The following CCDC85A variants were observed in gnomAD, a reference collection of about 807,000 sequenced individuals.
CCDC85A encodes the protein coiled-coil domain containing 85A, also known as coiled-coil domain-containing protein 85A.
A neutral mutation model predicts 50.2 loss-of-function variants in CCDC85A; 38 were observed. The observed-to-expected ratio is 0.76, with a 90% CI of 0.58 to 0.99. The LOEUF (loss-of-function observed/expected upper bound fraction) is 0.99, where lower values mean the gene tolerates loss of function less well. CCDC85A is among the 50% of genes least tolerant of loss of function. CCDC85A has a pLI of 0.00. For missense variants in CCDC85A, 820 were observed against 742.0 expected, an observed-to-expected ratio of 1.11 and a Z score of -1.22; for synonymous variants, 366 against 301.4, an observed-to-expected ratio of 1.21 and a Z score of -2.22.
intron 5 of CCDC85A, among the ~76,000 whole-genome samples, chr2:56,377,831 T>G (rs1249395068): frequency 6.7e-6 from 1 of 149,562 alleles, no homozygotes. Context: ...GAGGTTGCAG[T>G]GAGCCGAGAT....
chr2:56,237,251 G>A (rs7568979), intron 2 of CCDC85A, among the ~76,000 whole-genome samples: 57,761 of 151,830 alleles, frequency 0.38, 12,126 homozygotes, highest in Middle Eastern at 0.55. Context: ...GATTACTGGC[G>A]TGTCTTAGAG....
intron 2 of CCDC85A, among the ~76,000 whole-genome samples, chr2:56,239,210 A>G (rs1669151113): frequency 6.6e-6 from 1 of 152,090 alleles, no homozygotes; most frequent in African/African-American, 2.4e-5. Flanking sequence ...GAGTTTGCAC[A>G]GTCAGCTTGT....
chr2:56,185,854 C>G (rs892261509), intron 1 of CCDC85A: 1 of 152,352 alleles, frequency 6.6e-6, no homozygotes, highest in African/African-American at 2.4e-5. Context: ...CCTGGTATTC[C>G]TTCCTCTCAT....
chr2:56,336,320 A>C (rs1421943000), intron 2 of CCDC85A, among the ~76,000 whole-genome samples: 1 of 151,848 alleles, frequency 6.6e-6, no homozygotes, highest in Non-Finnish European at 1.5e-5. Flanking sequence ...CACCTGGCTA[A>C]TTTTTGTATT....
chr2:56,251,234 T>C lies in CCDC85A; in HGVS notation c.1240+57794T>C, dbSNP rs116730639. 5.5e-3 allele frequency among the ~76,000 whole-genome samples: 845 copies of C among 152,354 alleles called. 7 individuals are homozygous for C. Among genetic ancestry groups the C allele is most frequent in the African/African-American group, 0.019 (790 of 41,590 alleles). On this transcript the variant is annotated intron_variant, in intron 2 of 5. Transcript: ENST00000407595. ...CTGTGTTGAGGGCTCTGTTTTCTCC[T>C]GTAGGCAGCAAATCCTTTGTGAGCC...
At chr2:56,313,787 G>A (rs1008887517) in intron 2 of CCDC85A, among the ~76,000 whole-genome samples, 1 of 152,034 alleles carries the variant, frequency 6.6e-6, no homozygotes, top group Non-Finnish European at 1.5e-5. Flanking sequence ...TCAGTGGGCA[G>A]CAGAAGGAAC....
At chr2:56,266,119 T>C (rs1399263018) in intron 2 of CCDC85A, among the ~76,000 whole-genome samples, 1 of 152,096 alleles carries the variant, frequency 6.6e-6, no homozygotes, top group Non-Finnish European at 1.5e-5. Context: ...AGAATGGTGG[T>C]TACCAAAGGC....
intron 2 of CCDC85A, among the ~76,000 whole-genome samples, chr2:56,326,220 T>G (rs956680872): frequency 1.2e-4 from 18 of 152,254 alleles, no homozygotes; most frequent in African/African-American, 3.8e-4. Flanking sequence ...GAGGAATTAC[T>G]TAACATCTCT....
chr2:56,265,509 G>T (rs1376206813), intron 2 of CCDC85A, among the ~76,000 whole-genome samples: 1 of 151,924 alleles, frequency 6.6e-6, no homozygotes, highest in Non-Finnish European at 1.5e-5. Context: ...TTTCTCAAAA[G>T]AAGATATACA....
chr2:56,192,085 C>T lies in CCDC85A; in HGVS notation c.277-392C>T, dbSNP rs1183733827. ...AGTGAAGCTTTGTGAGGTCCGATTT[C>T]CTCTTCTGTATAAGAGCCATAATAA... On this transcript the variant is annotated intron_variant, in intron 1 of 5. Transcript: ENST00000407595. The surrounding 1 kb of genome is among the most constrained non-coding windows in gnomAD (Gnocchi z 4.7). 6.6e-6 allele frequency among the ~76,000 whole-genome samples: 1 copy of T among 152,100 alleles called. No homozygotes were observed. Among genetic ancestry groups the T allele is most frequent in the African/African-American group, 2.4e-5 (1 of 41,400 alleles).
chr2:56,349,645 T>C (rs1674804638), intron 3 of CCDC85A, among the ~76,000 whole-genome samples: 1 of 152,232 alleles, frequency 6.6e-6, no homozygotes, highest in South Asian at 2.1e-4. Flanking sequence ...TTCGTTCTAA[T>C]GAGAGAATAT....
chr2:56,196,414 A>G (rs1320621477), intron 2 of CCDC85A, among the ~76,000 whole-genome samples: 1 of 152,240 alleles, frequency 6.6e-6, no homozygotes, highest in Non-Finnish European at 1.5e-5. Flanking sequence ...TAAATTAAGT[A>G]ATTGAATAAC....
chr2:56,309,298 G>A (rs993478023), intron 2 of CCDC85A, among the ~76,000 whole-genome samples: 12 of 152,246 alleles, frequency 7.9e-5, no homozygotes, highest in African/African-American at 1.2e-4. Context: ...AATCTAATAA[G>A]CAGCTACACA....
intron 2 of CCDC85A, among the ~76,000 whole-genome samples, chr2:56,318,040 C>G (rs1308969376): frequency 1.3e-5 from 2 of 152,060 alleles, no homozygotes; most frequent in Non-Finnish European, 2.9e-5. Context: ...GATGTTAAAG[C>G]CAATATAATT....
chr2:56,271,212 G>A (rs1295810619), intron 2 of CCDC85A, among the ~76,000 whole-genome samples: 1 of 152,156 alleles, frequency 6.6e-6, no homozygotes. Flanking sequence ...GTTATGTAGG[G>A]CTATAGAGTT....
chr2:56,216,590 A>G (rs1677403718), intron 2 of CCDC85A, among the ~76,000 whole-genome samples: 1 of 151,664 alleles, frequency 6.6e-6, no homozygotes, highest in Non-Finnish European at 1.5e-5. Flanking sequence ...TCCCATATTG[A>G]TGACTGTATC....
intron 4 of CCDC85A, among the ~76,000 whole-genome samples, chr2:56,373,479 G>C (rs1676183421): frequency 6.6e-6 from 1 of 152,100 alleles, no homozygotes. Flanking sequence ...GTTTAAGGAT[G>C]TTGTTTACAT....
chr2:56,355,051 T>C (rs1461461112), intron 3 of CCDC85A, among the ~76,000 whole-genome samples: 1 of 152,162 alleles, frequency 6.6e-6, no homozygotes, highest in African/African-American at 2.4e-5. Context: ...TATACAAGCC[T>C]TCACCTACTG....
intron 2 of CCDC85A, among the ~76,000 whole-genome samples, chr2:56,283,989 C>T (rs1250833242): frequency 2.0e-5 from 3 of 151,996 alleles, no homozygotes; most frequent in Admixed American, 6.5e-5. Context: ...AACCTTTTAT[C>T]TTTTCTAAGT....
Sources: gnomAD v4.1 joint callset for allele counts (sites outside exome capture counted in the v4.1 genomes callset) on GRCh38, gnomAD v4.1.1 for gene constraint, Gnocchi (gnomAD v3.1) non-coding constraint, MANE v1.5 for transcripts, NCBI Gene and HGNC (gene_info 2026-07-23, HGNC 2026-07-21) for gene names.